The following NOVA1 variants were observed in gnomAD, a reference collection of about 807,000 sequenced individuals.
NOVA1 encodes NOVA alternative splicing regulator 1.
Under a neutral mutation model 38.0 loss-of-function variants are expected in NOVA1, and 7 were observed. That is an observed-to-expected ratio of 0.18 (90% confidence interval 0.10 to 0.35). The LOEUF (loss-of-function observed/expected upper bound fraction) is 0.35. NOVA1 is among the 10% of genes least tolerant of loss of function. The probability of loss-of-function intolerance (pLI) is 1.00; values close to 1 mark genes in which losing one functional copy is unlikely to be tolerated. For missense variants in NOVA1, 460 were observed against 616.0 expected, an observed-to-expected ratio of 0.75 and a Z score of 2.68; for synonymous variants, 270 against 232.5, an observed-to-expected ratio of 1.16 and a Z score of -1.47.
At chr14:26,541,406 C>G (rs550100971) in intron 2 of NOVA1, among the ~76,000 whole-genome samples, 2 of 151,270 alleles carry the variant, frequency 1.3e-5, no homozygotes, top group South Asian at 4.2e-4. Context: ...AAGAGGGTTT[C>G]TAAAGTCCTA....
At chr14:26,550,776 A>T (rs1012401451) in intron 2 of NOVA1, among the ~76,000 whole-genome samples, 1 of 152,098 alleles carries the variant, frequency 6.6e-6, no homozygotes, top group Non-Finnish European at 1.5e-5. Context: ...GACAAAGTCC[A>T]ACAAACCTGA....
chr14:26,506,673 G>A (rs1412933070), intron 2 of NOVA1, among the ~76,000 whole-genome samples: 1 of 151,900 alleles, frequency 6.6e-6, no homozygotes, highest in African/African-American at 2.4e-5. Flanking sequence ...TCTGCCTCTC[G>A]GGTTCAAGGG....
chr14:26,523,293 T>C (rs1889037346), intron 2 of NOVA1, among the ~76,000 whole-genome samples: 1 of 152,236 alleles, frequency 6.6e-6, no homozygotes, highest in Non-Finnish European at 1.5e-5. Context: ...GAGTGTGTAA[T>C]CTGGTAATGT....
chr14:26,494,798 A>G (rs1424319958), intron 2 of NOVA1, among the ~76,000 whole-genome samples: 1 of 152,158 alleles, frequency 6.6e-6, no homozygotes, highest in African/African-American at 2.4e-5. Context: ...GTTCATTACA[A>G]TGGTCTGCTA....
chr14:26,578,152 G>A (rs910292308), intron 2 of NOVA1, among the ~76,000 whole-genome samples: 7 of 152,104 alleles, frequency 4.6e-5, no homozygotes, highest in Non-Finnish European at 1.0e-4. Context: ...ACTGACCACT[G>A]AATAAAAAGT....
chr14:26,539,557 AGATAGAT>A (rs1890320976), intron 2 of NOVA1, among the ~76,000 whole-genome samples: 1 of 151,912 alleles, frequency 6.6e-6, no homozygotes, highest in African/African-American at 2.4e-5. Flanking sequence ...ATGCCTTTAT[AGATAGAT>A]GATAGATGTA....
chr14:26,573,493 G>A (rs1165153805), intron 2 of NOVA1, among the ~76,000 whole-genome samples: 3 of 151,758 alleles, frequency 2.0e-5, no homozygotes, highest in Admixed American at 2.0e-4. Context: ...AAGCCAAAGA[G>A]AAAGATCTCA....
intron 2 of NOVA1, among the ~76,000 whole-genome samples, chr14:26,517,835 G>A (rs1888582313): frequency 2.0e-5 from 3 of 152,030 alleles, no homozygotes; most frequent in African/African-American, 7.2e-5. Context: ...AACCACAAGA[G>A]GTTTACAAAC....
chr14:26,561,293 C>T (rs545238048), intron 2 of NOVA1, among the ~76,000 whole-genome samples: 14 of 152,300 alleles, frequency 9.2e-5, no homozygotes, highest in Non-Finnish European at 1.8e-4. Context: ...GGACTACTAA[C>T]ATTGAAACAT....
chr14:26,483,553 C>T (rs562331717), intron 2 of NOVA1, among the ~76,000 whole-genome samples: 5 of 152,286 alleles, frequency 3.3e-5, no homozygotes, highest in East Asian at 3.9e-4. Flanking sequence ...GTATTACCAA[C>T]TGATTTCAAT....
intron 2 of NOVA1, among the ~76,000 whole-genome samples, chr14:26,501,112 A>T (rs2138405853): frequency 6.6e-6 from 1 of 152,176 alleles, no homozygotes; most frequent in Non-Finnish European, 1.5e-5. Context: ...CTAAAACATC[A>T]CAAATCAAAT....
intron 4 of NOVA1, 44 bp from the exon 5 acceptor site, chr14:26,449,007 G>T: frequency 1.3e-6 from 2 of 1,502,952 alleles, no homozygotes; most frequent in South Asian, 2.5e-5. Context: ...TCTGTTTTGT[G>T]CATATACATT....
chr14:26,463,824 T>C (rs1032301737), intron 4 of NOVA1, among the ~76,000 whole-genome samples: 1 of 152,198 alleles, frequency 6.6e-6, no homozygotes, highest in African/African-American at 2.4e-5. Context: ...GGAAATTTAT[T>C]TTCTTTCAGG....
chr14:26,531,333 C>T (rs973456069), intron 2 of NOVA1, among the ~76,000 whole-genome samples: 7 of 152,160 alleles, frequency 4.6e-5, no homozygotes, highest in Non-Finnish European at 7.3e-5. Flanking sequence ...AGAGGCTGGG[C>T]GCGGTGGCTC....
intron 2 of NOVA1, among the ~76,000 whole-genome samples, chr14:26,552,911 C>A (rs1053040294): frequency 6.6e-6 from 1 of 152,100 alleles, no homozygotes; most frequent in African/African-American, 2.4e-5. Context: ...AGAATGATAG[C>A]AAAGCTCTGA....
rs1884489447 is a variant in NOVA1, at chr14:26,470,355, T to C, written c.519+1965A>G. The stretch of plus-strand genomic sequence containing the variant: ...CACATGATTAGAATCTACTGGAAAA[T>C]ACTGTTGGGGAGAAAATAATTACAA... On this transcript the variant is annotated intron_variant, in intron 4 of 4. Coordinates refer to ENST00000539517, the MANE Select transcript of NOVA1 (RefSeq NM_002515.3). The C allele has an allele frequency of 8.8e-6, 13 of 1,485,310 alleles. No homozygotes were observed. In the Admixed American group the frequency reaches 2.3e-4, roughly 26 times the overall value. 92.0% of individuals were successfully genotyped at this position (1,485,310 alleles called of 1,614,324 possible).
At chr14:26,584,623 C>A (rs1039924102) in intron 2 of NOVA1, among the ~76,000 whole-genome samples, 1 of 151,272 alleles carries the variant, frequency 6.6e-6, no homozygotes, top group Non-Finnish European at 1.5e-5. Flanking sequence ...ACTTTTTATC[C>A]AATCAATACC....
At position 26,524,041 on chromosome 14, in the gene NOVA1, A is replaced by G. The variant is rs550076200; in HGVS notation, c.281-43898T>C. Among the ~76,000 whole-genome samples the G allele has an allele frequency of 2.4e-4, 37 of 152,174 alleles. No individual in the cohort carries two copies. In the South Asian group the frequency reaches 6.4e-3, roughly 26 times the overall value. ...GCTCCAATTATAGGCGGGAGCCACC[A>G]CGCCTGGCCCACTTGAAGATTTTAA... is the stretch of plus-strand genomic sequence containing the variant. On this transcript the variant is annotated intron_variant, in intron 2 of 4. Coordinates refer to ENST00000539517, the MANE Select transcript of NOVA1 (RefSeq NM_002515.3).
intron 2 of NOVA1, among the ~76,000 whole-genome samples, chr14:26,566,901 C>T (rs986216151): frequency 6.6e-6 from 1 of 152,092 alleles, no homozygotes; most frequent in African/African-American, 2.4e-5. Context: ...AGAAATCAAT[C>T]CTTAGACAAA....
Sources: allele counts gnomAD v4.1 joint callset (sites outside exome capture counted in the v4.1 genomes callset), GRCh38; gene constraint gnomAD v4.1.1; transcripts MANE v1.5; gene names NCBI Gene and HGNC (gene_info 2026-07-23, HGNC 2026-07-21).